The following RABEP1 variants were observed in gnomAD, a reference collection of about 807,000 sequenced individuals.
The protein encoded by RABEP1 is rabaptin, RAB GTPase binding effector protein 1.
In RABEP1, 51 loss-of-function variants were observed where a neutral mutation model predicts 123.4. The observed-to-expected ratio is 0.41, with a 90% confidence interval of 0.33 to 0.52. The LOEUF is 0.52. RABEP1 is among the 20% of genes least tolerant of loss of function. The pLI, the probability that RABEP1 is intolerant of heterozygous loss-of-function variation, is 0.16. For synonymous variants in RABEP1, 347 were observed against 355.2 expected, an observed-to-expected ratio of 0.98 and a Z score of 0.26; for missense variants, 888 against 996.3, an observed-to-expected ratio of 0.89 and a Z score of 1.46.
At chr17:5,376,881 G>A (rs1911034516) in intron 13 of RABEP1, among the ~76,000 whole-genome samples, 1 of 152,080 alleles carries the variant, frequency 6.6e-6, no homozygotes, top group South Asian at 2.1e-4. Context: ...AAACAGTTTT[G>A]AGGGAAGAGT....
At position 5,363,369 on chromosome 17, in the gene RABEP1, G is replaced by A. The variant is rs117150586; in HGVS notation, c.1668+353G>A. 3.0e-4 allele frequency among the ~76,000 whole-genome samples: 45 copies of A among 151,916 alleles called. No homozygotes were observed. The East Asian group carries it at 8.5e-3, about 29-fold the overall frequency. On this transcript the variant is annotated intron_variant, in intron 10 of 17. Coordinates refer to ENST00000537505, the MANE Select transcript of RABEP1 (RefSeq NM_004703.6). ...CGAGTAGCTGGGATTACAGGGACACGCCACCACCCCCAGCTATTTTTTGTA... is the reference window on the plus strand; with the variant it reads ...CGAGTAGCTGGGATTACAGGGACACACCACCACCCCCAGCTATTTTTTGTA...
At chr17:5,301,654 A>C (rs1206612931) in intron 1 of RABEP1, among the ~76,000 whole-genome samples, 1 of 152,130 alleles carries the variant, frequency 6.6e-6, no homozygotes, top group African/African-American at 2.4e-5. Flanking sequence ...TCCTTATCTC[A>C]TTCTTAGACC....
intron 1 of RABEP1, among the ~76,000 whole-genome samples, chr17:5,300,745 A>G (rs538887547): frequency 6.6e-6 from 1 of 152,224 alleles, no homozygotes. Context: ...TGGGAGTGAC[A>G]GTATGTTTTG....
chr17:5,312,918 C>T (rs764704132), intron 2 of RABEP1, among the ~76,000 whole-genome samples: 6 of 152,160 alleles, frequency 3.9e-5, no homozygotes, highest in African/African-American at 7.2e-5. Flanking sequence ...TCCGGCCTGG[C>T]CAACATGGTG....
intron 7 of RABEP1, among the ~76,000 whole-genome samples, chr17:5,351,195 TAGG>T (rs2144649464): frequency 1.3e-5 from 2 of 152,276 alleles, no homozygotes; most frequent in East Asian, 3.9e-4. Context: ...GGCTGAGTAA[TAGG>T]AGGTGGCAGG....
intron 1 of RABEP1, among the ~76,000 whole-genome samples, chr17:5,294,637 T>TC (rs2075064407): frequency 6.7e-5 from 1 of 14,972 alleles, no homozygotes; most frequent in Non-Finnish European, 1.0e-4. Flanking sequence ...TATTGTCTTT[T>TC]TTTTTTTTTT....
chr17:5,338,930 G>A (rs1327510464), intron 5 of RABEP1, among the ~76,000 whole-genome samples: 2 of 152,196 alleles, frequency 1.3e-5, no homozygotes, highest in Admixed American at 1.3e-4. Context: ...GCTGAGGCGG[G>A]AGAATTGCTT....
intron 11 of RABEP1, among the ~76,000 whole-genome samples, chr17:5,367,051 T>C (rs909338501): frequency 1.3e-5 from 2 of 150,880 alleles, no homozygotes; most frequent in African/African-American, 4.9e-5. Flanking sequence ...GTCATGCCAT[T>C]GCACTCCCGC....
At chr17:5,293,906 A>G (rs929001848) in intron 1 of RABEP1, among the ~76,000 whole-genome samples, 5 of 152,124 alleles carry the variant, frequency 3.3e-5, no homozygotes, top group Non-Finnish European at 7.4e-5. Context: ...AGTTGTTTCT[A>G]TGTGAGCTGT....
chr17:5,352,251 G>A (rs1908620376), intron 7 of RABEP1, among the ~76,000 whole-genome samples: 3 of 151,420 alleles, frequency 2.0e-5, no homozygotes, highest in Admixed American at 1.3e-4. Flanking sequence ...GGAGCACAGT[G>A]GCACAATCTT....
intron 6 of RABEP1, among the ~76,000 whole-genome samples, chr17:5,347,866 A>T (rs988744022): frequency 6.6e-6 from 1 of 152,254 alleles, no homozygotes; most frequent in Non-Finnish European, 1.5e-5. Flanking sequence ...GAAATAATGT[A>T]AATTATTGAG....
chr17:5,311,491 T>G (rs2075240151), intron 2 of RABEP1, among the ~76,000 whole-genome samples: 2 of 151,782 alleles, frequency 1.3e-5, no homozygotes, highest in African/African-American at 2.4e-5. Context: ...GGTCATGAGT[T>G]CGAGACCAGC....
At chr17:5,331,027 CTTTT>C (rs1187502263) in intron 2 of RABEP1, among the ~76,000 whole-genome samples, 1 of 87,048 alleles carries the variant, frequency 1.1e-5, no homozygotes, top group African/African-American at 4.5e-5. Flanking sequence ...TATCTCTTAA[CTTTT>C]TTTTTTTTTT....
chr17:5,378,224 A>C lies in RABEP1; in HGVS notation c.2263A>C (p.Lys755Gln). The C allele has an allele frequency of 1.3e-6, 2 of 1,593,356 alleles. 1 individual carries two copies. The highest frequency in any genetic ancestry group is 1.7e-6 in the Non-Finnish European group (2 of 1,161,144). Residue 755 changes from lysine to glutamine, a missense_variant, in exon 15 of 18, where the codon AAA (lysine) becomes CAA (glutamine). Transcript: ENST00000537505. ...KAELERIKVEKGQLESTLREK... is the reference protein window; with the variant it reads ...KAELERIKVEQGQLESTLREK... Reference sequence around the variant, plus strand: ...TGAATTAGAAAGAATAAAAGTGGAAAAAGGACAGGTAAGTCGTGAGTTTCA... The same window carrying C: ...TGAATTAGAAAGAATAAAAGTGGAACAAGGACAGGTAAGTCGTGAGTTTCA...
chr17:5,286,351 G>A (rs1040087951), intron 1 of RABEP1, among the ~76,000 whole-genome samples: 1 of 152,100 alleles, frequency 6.6e-6, no homozygotes, highest in Non-Finnish European at 1.5e-5. Flanking sequence ...AAAGTTAGCC[G>A]GGTGTGGTGG....
chr17:5,355,179 C>G (rs1156831190), intron 8 of RABEP1, among the ~76,000 whole-genome samples: 1 of 152,212 alleles, frequency 6.6e-6, no homozygotes, highest in Non-Finnish European at 1.5e-5. Flanking sequence ...ACTCCCATTA[C>G]CTATATAATT....
chr17:5,354,384 A>G lies in RABEP1; in HGVS notation c.989A>G (p.Asn330Ser), dbSNP rs1172754321. ...GAGGATGATGAACAACAAAGACTCA[A>G]TAAGAGAAAGGATCACAAAAAAGCA... ...DQEDDEQQRL[N>S]KRKDHKKADV... Residue 330 changes from asparagine to serine, a missense_variant, in exon 8 of 18, where the codon AAT (asparagine) becomes AGT (serine). Transcript: ENST00000537505. 5 of 1,612,926 alleles carry G rather than the reference A, an allele frequency of 3.1e-6. No homozygotes were observed. The Admixed American group carries it at 5.0e-5, about 16-fold the overall frequency.
At chr17:5,322,403 A>G (rs959041241) in intron 2 of RABEP1, among the ~76,000 whole-genome samples, 2 of 152,188 alleles carry the variant, frequency 1.3e-5, no homozygotes, top group African/African-American at 4.8e-5. Flanking sequence ...AAAGGGTCAT[A>G]TAATAATAAA....
intron 12 of RABEP1, 31 bp downstream of exon 12, chr17:5,368,499 A>G (rs780070354): frequency 6.9e-6 from 10 of 1,450,306 alleles, no homozygotes; most frequent in Admixed American, 5.1e-5. Context: ...AATGACAACT[A>G]TGTTACTATA....
Sources: allele counts gnomAD v4.1 joint callset (sites outside exome capture counted in the v4.1 genomes callset), GRCh38; gene constraint gnomAD v4.1.1; transcripts MANE v1.5; gene names NCBI Gene and HGNC (gene_info 2026-07-23, HGNC 2026-07-21).